CCDC136: variants seen among roughly 807,000 people sequenced by gnomAD.
The protein encoded by CCDC136 is coiled-coil domain-containing protein 136.
Under a neutral mutation model 141.2 loss-of-function variants are expected in CCDC136, and 100 were observed. The observed-to-expected ratio is 0.71, with a 90% CI of 0.60 to 0.84. The LOEUF is 0.84. CCDC136 is among the 40% of genes least tolerant of loss of function. CCDC136 has a pLI of 0.00. For synonymous variants in CCDC136, 474 were observed against 531.9 expected, an observed-to-expected ratio of 0.89 and a Z score of 1.50; for missense variants, 1,206 against 1,379.4, an observed-to-expected ratio of 0.87 and a Z score of 1.99.
chr7:128,791,273 C>A (rs1392821348), upstream of CCDC136: 5 of 334,162 alleles, frequency 1.5e-5, no homozygotes, highest in Non-Finnish European at 2.7e-5. This position sits in a 1 kb window ranked among gnomAD's most constrained non-coding sequence, Gnocchi z 7.1. Context: ...TATCCGGGGT[C>A]GCGCTCACCC....
At chr7:128,818,508 G>A (rs1407767012) in intron 17 of CCDC136, among the ~76,000 whole-genome samples, 4 of 152,160 alleles carry the variant, frequency 2.6e-5, no homozygotes, top group East Asian at 1.9e-4. Flanking sequence ...TCCAGTCTCC[G>A]GAAAAGTCAG....
At position 128,801,460 on chromosome 7, in the gene CCDC136, C is replaced by T. The variant is rs1253189021; in HGVS notation, c.621C>T (p.Ser207=). Residue 207 remains serine (S), a synonymous_variant, in exon 4 of 18, where the codon AGC becomes AGT. Coordinates refer to ENST00000297788, the MANE Select transcript of CCDC136 (RefSeq NM_022742.5). ...ASLRAEMEMK[S]SEPSGSLGLS... ...TCCGTGCAGAAATGGAAATGAAGAG[C>T]TCTGAACCATCCGGTAGTTTAGGTC... is the stretch of plus-strand genomic sequence containing the variant. 6.2e-7 allele frequency: 1 copy of T among 1,612,370 alleles called. No homozygotes were observed. Among genetic ancestry groups the T allele is most frequent in the East Asian group, 2.2e-5 (1 of 44,834 alleles).
At chr7:128,798,671 G>A (rs1404481179) in intron 3 of CCDC136, among the ~76,000 whole-genome samples, 1 of 152,062 alleles carries the variant, frequency 6.6e-6, no homozygotes, top group African/African-American at 2.4e-5. Flanking sequence ...CAGACTCTAG[G>A]GCCTTTGTCC....
chr7:128,797,973 A>G (rs1803305388), intron 3 of CCDC136, among the ~76,000 whole-genome samples: 1 of 150,714 alleles, frequency 6.6e-6, no homozygotes, highest in Admixed American at 6.6e-5. Flanking sequence ...GCTGGAGTGC[A>G]GTGGCGTGAT....
chr7:128,803,437 G>A (rs899298310), intron 4 of CCDC136, among the ~76,000 whole-genome samples: 1 of 152,136 alleles, frequency 6.6e-6, no homozygotes, highest in Non-Finnish European at 1.5e-5. Flanking sequence ...GATCACTTGA[G>A]CCCAGGAATT....
At position 128,806,825 on chromosome 7, in the gene CCDC136, T is replaced by C; in HGVS notation, c.1386T>C (p.Asp462=). The change falls in exon 9 of 18, where the codon GAT becomes GAC. Residue 462 remains aspartate, a synonymous_variant. Coordinates refer to ENST00000297788, the MANE Select transcript of CCDC136 (RefSeq NM_022742.5). ...CHEAELQHLR[D]TVASFKESNE... Reference sequence around the variant, plus strand: ...AGGCAGAGCTGCAGCACCTCAGGGATACGGTGGCCTCCTTCAAAGAGAGCA... The same window carrying C: ...AGGCAGAGCTGCAGCACCTCAGGGACACGGTGGCCTCCTTCAAAGAGAGCA... 6.2e-7 allele frequency: 1 copy of C among 1,611,804 alleles called. No individual in the cohort carries two copies. Among genetic ancestry groups the C allele is most frequent in the Non-Finnish European group, 8.5e-7 (1 of 1,179,096 alleles).
rs1802586621 is a variant in CCDC136 at position 128,794,066 on chromosome 7, C to A, written c.17-282C>A. Among the ~76,000 whole-genome samples, 1 of 152,240 alleles carries A rather than the reference C, an allele frequency of 6.6e-6. No homozygotes were observed. The highest frequency in any genetic ancestry group is 1.5e-5 in the Non-Finnish European group (1 of 68,040). ...AGCAGGTAATCCTGTGCAAGTGTCT[C>A]ATGGCTGAGCGGGCACCAGCCTGCC... On this transcript the variant is annotated intron_variant, in intron 1 of 17. Coordinates refer to ENST00000297788, the MANE Select transcript of CCDC136 (RefSeq NM_022742.5). This position sits in a 1 kb window ranked among gnomAD's most constrained non-coding sequence, Gnocchi z 4.3.
rs889614407 is a variant in CCDC136 at position 128,809,498 on chromosome 7, G to A, written c.1654G>A (p.Ala552Thr). Reference protein sequence around the residue: ...RLTELQEKYKASQKEMGQLQM... With the variant: ...RLTELQEKYKTSQKEMGQLQM... Reference sequence around the variant, plus strand: ...GACAGAATTGCAGGAAAAGTACAAGGCCAGCCAGAAGGAGATGGGGCAGCT... The same window carrying A: ...GACAGAATTGCAGGAAAAGTACAAGACCAGCCAGAAGGAGATGGGGCAGCT... Residue 552 changes from alanine to threonine, a missense_variant, in exon 11 of 18, where the codon GCC (alanine) becomes ACC (threonine). Ala to Thr is a moderately conservative substitution (Grantham distance 58). Transcript: ENST00000297788. The A allele has an allele frequency of 9.0e-6, 14 of 1,550,852 alleles. No homozygotes were observed. The highest frequency in any genetic ancestry group is 1.2e-5 in the Non-Finnish European group (14 of 1,147,566).
Position 128,804,680 on chromosome 7 carries a change from A to G in CCDC136, c.701A>G (p.His234Arg), listed in dbSNP as rs1185721807. Residue 234 changes from histidine to arginine, a missense_variant, in exon 5 of 18, where the codon CAT becomes CGT. Transcript: ENST00000297788. Reference sequence around the variant, plus strand: ...CTGCAGGAGCTGCGGGAACGCTACCATTTCCTGAATGAGGAATACCGGGCC... The same window carrying G: ...CTGCAGGAGCTGCGGGAACGCTACCGTTTCCTGAATGAGGAATACCGGGCC... ...EELQELRERY[H>R]FLNEEYRALQ... 6 of 1,589,820 alleles carry G rather than the reference A, an allele frequency of 3.8e-6. No individual in the cohort carries two copies. Among genetic ancestry groups the G allele is most frequent in the South Asian group, 1.2e-5 (1 of 86,710 alleles).
intron 4 of CCDC136, 135 bp downstream of exon 4, chr7:128,801,644 T>TA: frequency 2.9e-6 from 2 of 678,444 alleles, no homozygotes; most frequent in Non-Finnish European, 4.8e-6. Context: ...TTCAAGACTG[T>TA]AGGGGTCCAG....
At position 128,809,436 on chromosome 7, in the gene CCDC136, G is replaced by GCCCC; in HGVS notation, c.1606-12_1606-9dup. 1.5e-5 allele frequency: 9 copies of GCCCC among 595,336 alleles called. No homozygotes were observed. Among genetic ancestry groups the GCCCC allele is most frequent in the Admixed American group, 3.9e-5 (1 of 25,408 alleles). The allele number at this position is 595,336 out of a possible 1,614,324, so 36.9% of individuals were successfully genotyped here. A position where few individuals can be genotyped will look rare whatever the true frequency, so the allele number is the denominator to read the frequency against. The stretch of plus-strand genomic sequence containing the variant: ...CAGAGTAACCACCCCCTCCACACCC[G>GCCCC]CCCCCACCCACAGTGTGACACACTG... On this transcript the variant is annotated splice_polypyrimidine_tract_variant and intron_variant, in intron 10 of 17. Transcript: ENST00000297788.
rs533801292 is a variant in CCDC136, at chr7:128,805,641, G to T, written c.948+117G>T. The T allele has an allele frequency of 2.0e-6, 3 of 1,525,786 alleles. No homozygotes were observed. Among genetic ancestry groups the T allele is most frequent in the Non-Finnish European group, 2.7e-6 (3 of 1,117,108 alleles). 94.5% of individuals were successfully genotyped at this position (1,525,786 alleles called of 1,614,324 possible). A position where few individuals can be genotyped will look rare whatever the true frequency, so the allele number is the denominator to read the frequency against. On this transcript the variant is annotated intron_variant, in intron 6 of 17. Coordinates refer to ENST00000297788, the MANE Select transcript of CCDC136 (RefSeq NM_022742.5). This position sits in a 1 kb window ranked among gnomAD's most constrained non-coding sequence, Gnocchi z 4.6. ...ACTGTGGAGGGAGATAGTACTCTGGGGTCTCACTTGCCTGATGTAAATCTT... is the reference window on the plus strand; with the variant it reads ...ACTGTGGAGGGAGATAGTACTCTGGTGTCTCACTTGCCTGATGTAAATCTT...
chr7:128,798,850 A>G (rs1803525873), intron 3 of CCDC136, among the ~76,000 whole-genome samples: 2 of 152,110 alleles, frequency 1.3e-5, no homozygotes, highest in Non-Finnish European at 2.9e-5. Flanking sequence ...GAATAGATCA[A>G]GGAGACGTAA....
Position 128,812,297 on chromosome 7 carries a change from G to A in CCDC136, c.2526G>A (p.Glu842=), listed in dbSNP as rs1284757157. The A allele has an allele frequency of 6.2e-7, 1 of 1,611,874 alleles. No individual in the cohort carries two copies. The highest frequency in any genetic ancestry group is 2.2e-5 in the East Asian group (1 of 44,862). Residue 842 remains glutamate (E), a synonymous_variant, in exon 13 of 18, where the codon GAG becomes GAA. Coordinates refer to ENST00000297788, the MANE Select transcript of CCDC136 (RefSeq NM_022742.5). ...GCTGCACTGACGAGGAACCTGCTGA[G>A]CCTGAAGACATGGAGGTAATGGTTG... is the stretch of plus-strand genomic sequence containing the variant. ...VSSCTDEEPA[E]PEDMERFEEM...
intron 3 of CCDC136, among the ~76,000 whole-genome samples, chr7:128,799,384 C>T (rs1309331694): frequency 1.3e-5 from 2 of 151,804 alleles, no homozygotes; most frequent in Non-Finnish European, 2.9e-5. Flanking sequence ...ATGTTTAGTT[C>T]TGTACACATA....
chr7:128,804,178 C>T (rs1200035618), intron 4 of CCDC136, among the ~76,000 whole-genome samples: 1 of 152,202 alleles, frequency 6.6e-6, no homozygotes, highest in Non-Finnish European at 1.5e-5. Flanking sequence ...TAAAAGGAAA[C>T]TCAGAATGCC....
intron 17 of CCDC136, among the ~76,000 whole-genome samples, chr7:128,820,238 CCTG>C (rs1807255827): frequency 6.6e-6 from 1 of 152,196 alleles, no homozygotes; most frequent in Non-Finnish European, 1.5e-5. Flanking sequence ...TGGTCACTTA[CCTG>C]CCATTCAACA....
rs201409151 is a variant in CCDC136, at chr7:128,809,461, G to C, written c.1617G>C (p.Leu539=). 732 of 1,528,640 alleles carry C rather than the reference G, an allele frequency of 4.8e-4. No individual in the cohort carries two copies. The highest frequency in any genetic ancestry group is 6.2e-4 in the Non-Finnish European group (703 of 1,130,562). The allele number at this position is 1,528,640 out of a possible 1,614,324, so 94.7% of individuals were successfully genotyped here. A position where few individuals can be genotyped will look rare whatever the true frequency, so the allele number is the denominator to read the frequency against. ...GCCCCCACCCACAGTGTGACACACT[G>C]CTGTCCAGACTGACAGAATTGCAGG... ...KGKCANKCDT[L]LSRLTELQEK... Residue 539 remains leucine, a synonymous_variant, in exon 11 of 18, where the codon CTG becomes CTC. Coordinates refer to ENST00000297788, the MANE Select transcript of CCDC136 (RefSeq NM_022742.5).
At chr7:128,811,388 T>A in intron 12 of CCDC136, 1 of 459,386 alleles carries the variant, frequency 2.2e-6, no homozygotes, top group South Asian at 1.6e-5. Flanking sequence ...TATTGCCGCA[T>A]TCAAGGCCGG....
Sources: gnomAD v4.1 joint callset for allele counts (sites outside exome capture counted in the v4.1 genomes callset) on GRCh38, gnomAD v4.1.1 for gene constraint, Gnocchi (gnomAD v3.1) non-coding constraint, MANE v1.5 for transcripts, NCBI Gene and HGNC (gene_info 2026-07-23, HGNC 2026-07-21) for gene names.